The following AFF3 variants were observed in gnomAD, a reference collection of about 807,000 sequenced individuals.
The protein encoded by AFF3 is AF4/FMR2 family member 3.
AFF3 carries 32 observed loss-of-function variants against 129.7 expected under a neutral mutation model. The ratio of observed to expected loss-of-function variants is 0.25; its 90% confidence interval spans 0.19 to 0.33. The LOEUF (loss-of-function observed/expected upper bound fraction) is 0.33. Among genes scored for constraint, AFF3 ranks in the 10% least tolerant of loss-of-function variants. The probability of loss-of-function intolerance (pLI) is 1.00; values close to 1 mark genes in which losing one functional copy is unlikely to be tolerated. For missense variants in AFF3, 1,373 were observed against 1,592.0 expected, an observed-to-expected ratio of 0.86 and a Z score of 2.34; for synonymous variants, 644 against 635.4, an observed-to-expected ratio of 1.01 and a Z score of -0.20.
chr2:99,907,281 A>G (rs528581043), intron 7 of AFF3, among the ~76,000 whole-genome samples: 32 of 152,194 alleles, frequency 2.1e-4, no homozygotes, highest in Non-Finnish European at 3.4e-4. Context: ...AAGTTGCCTA[A>G]CACTGTGCCA....
chr2:100,000,003 T>G (rs770475061), intron 7 of AFF3, among the ~76,000 whole-genome samples: 2 of 152,188 alleles, frequency 1.3e-5, no homozygotes, highest in Non-Finnish European at 2.9e-5. Context: ...GCTTGCCACA[T>G]GAGTAGCTAT....
chr2:99,798,064 T>A (rs1409242486), intron 8 of AFF3, among the ~76,000 whole-genome samples: 1 of 152,086 alleles, frequency 6.6e-6, no homozygotes, highest in Non-Finnish European at 1.5e-5. Context: ...AAAATTATAT[T>A]TTTGGAGTTG....
chr2:99,784,706 T>C (rs533094577), intron 8 of AFF3, among the ~76,000 whole-genome samples: 122 of 152,362 alleles, frequency 8.0e-4, no homozygotes, highest in African/African-American at 2.5e-3. Context: ...TTTATTCTAC[T>C]GAATAATGTG....
At chr2:100,051,501 A>C (rs891351825) in intron 4 of AFF3, among the ~76,000 whole-genome samples, 4 of 152,242 alleles carry the variant, frequency 2.6e-5, no homozygotes, top group African/African-American at 9.6e-5. Context: ...GATGAGGCCA[A>C]GCTTGTTAGG....
At chr2:99,660,865 C>T (rs1686171327) in intron 12 of AFF3, among the ~76,000 whole-genome samples, 1 of 152,196 alleles carries the variant, frequency 6.6e-6, no homozygotes, top group Non-Finnish European at 1.5e-5. Flanking sequence ...GCCAAGGGAC[C>T]TTGAATGATC....
chr2:100,135,379 T>A (rs1439987353), intron 1 of AFF3, among the ~76,000 whole-genome samples: 1 of 152,198 alleles, frequency 6.6e-6, no homozygotes, highest in African/African-American at 2.4e-5. Flanking sequence ...CTGTGTATTT[T>A]AGGAGCAACT....
At chr2:100,124,761 A>C (rs1692118198) in intron 2 of AFF3, among the ~76,000 whole-genome samples, 1 of 152,210 alleles carries the variant, frequency 6.6e-6, no homozygotes, top group African/African-American at 2.4e-5. Context: ...AGAAAACAAC[A>C]TCAGCTGGAA....
At chr2:99,583,961 C>T (rs988495196) in intron 16 of AFF3, among the ~76,000 whole-genome samples, 1 of 152,098 alleles carries the variant, frequency 6.6e-6, no homozygotes, top group African/African-American at 2.4e-5. Flanking sequence ...CCTCGGCCTC[C>T]CAAAGTGCTG....
chr2:99,824,432 T>G (rs1687921982), intron 8 of AFF3, among the ~76,000 whole-genome samples: 1 of 152,162 alleles, frequency 6.6e-6, no homozygotes, highest in African/African-American at 2.4e-5. Context: ...CTTAATATTT[T>G]TAATTCCACA....
chr2:99,947,649 T>TAGACAGAC (rs1182923875), intron 7 of AFF3, among the ~76,000 whole-genome samples: 78 of 118,932 alleles, frequency 6.6e-4, no homozygotes, highest in East Asian at 3.4e-3. Flanking sequence ...GATAGATAGA[T>TAGACAGAC]AGATAGACAG....
At chr2:99,646,929 G>T (rs532110653) in intron 13 of AFF3, among the ~76,000 whole-genome samples, 4 of 152,256 alleles carry the variant, frequency 2.6e-5, no homozygotes, top group African/African-American at 7.2e-5. Flanking sequence ...TGGGGATTAC[G>T]TCTGTGGCCC....
chr2:99,880,395 T>A (rs1325949245), intron 7 of AFF3, among the ~76,000 whole-genome samples: 7 of 152,192 alleles, frequency 4.6e-5, no homozygotes, highest in African/African-American at 1.7e-4. Flanking sequence ...AGAGCTGTTT[T>A]TCCCCTCGGG....
chr2:100,136,233 G>C (rs1485464173), intron 1 of AFF3, among the ~76,000 whole-genome samples: 1 of 152,202 alleles, frequency 6.6e-6, no homozygotes, highest in African/African-American at 2.4e-5. Flanking sequence ...TGTTTCAGTG[G>C]TCACAGTGGA....
intron 1 of AFF3, among the ~76,000 whole-genome samples, chr2:100,132,165 C>CGG (rs1414015088): frequency 6.6e-6 from 1 of 152,156 alleles, no homozygotes; most frequent in South Asian, 2.1e-4. Context: ...GGAGATCCAT[C>CGG]GTACAGCATG....
At chr2:100,082,058 T>A (rs1331609260) in intron 4 of AFF3, among the ~76,000 whole-genome samples, 1 of 152,356 alleles carries the variant, frequency 6.6e-6, no homozygotes, top group South Asian at 2.1e-4. Flanking sequence ...GGGATTTTTT[T>A]AATACCTGGT....
chr2:99,604,287 C>T (rs1218246023), intron 13 of AFF3, among the ~76,000 whole-genome samples: 1 of 151,994 alleles, frequency 6.6e-6, no homozygotes, highest in East Asian at 1.9e-4. Context: ...AAATACAATG[C>T]AACCATTTAA....
At chr2:99,929,116 T>C (rs188048125) in intron 7 of AFF3, among the ~76,000 whole-genome samples, 167 of 152,252 alleles carry the variant, frequency 1.1e-3, no homozygotes, top group African/African-American at 3.9e-3. Context: ...CAAGGTGAAG[T>C]TGGGAGTTTG....
intron 9 of AFF3, 137 bp downstream of exon 9, chr2:99,752,084 A>G: frequency 1.4e-6 from 1 of 725,888 alleles, no homozygotes; most frequent in Non-Finnish European, 2.2e-6. Flanking sequence ...TGCGCTTGCA[A>G]ATTGTGAAGG....
At chr2:100,064,889 T>A (rs765185909) in intron 4 of AFF3, among the ~76,000 whole-genome samples, 8 of 152,218 alleles carry the variant, frequency 5.3e-5, no homozygotes, top group Non-Finnish European at 1.2e-4. Context: ...ATACATCAGC[T>A]AGCCAGAAAA....
Sources: allele counts gnomAD v4.1 joint callset (sites outside exome capture counted in the v4.1 genomes callset), GRCh38; gene constraint gnomAD v4.1.1; transcripts MANE v1.5; gene names NCBI Gene and HGNC (gene_info 2026-07-23, HGNC 2026-07-21).